The following ADAMTS16 variants were observed in gnomAD, a reference collection of about 807,000 sequenced individuals.
The protein encoded by ADAMTS16 is A disintegrin and metalloproteinase with thrombospondin motifs 16.
A neutral mutation model predicts 145.8 loss-of-function variants in ADAMTS16; 94 were observed. The ratio of observed to expected loss-of-function variants is 0.64; its 90% CI spans 0.55 to 0.77. The LOEUF (loss-of-function observed/expected upper bound fraction) is 0.77, where lower values mean the gene tolerates loss of function less well. Among genes scored for constraint, ADAMTS16 ranks in the 30% least tolerant of loss-of-function variants. The pLI, the probability that ADAMTS16 is intolerant of heterozygous loss-of-function variation, is 0.00. For missense variants in ADAMTS16, 1,585 were observed against 1,591.5 expected (o/e 1.00, Z 0.07); for synonymous variants, 659 against 604.3 (o/e 1.09, Z -1.33).
At chr5:5,211,241 TA>T (rs1736265859) in intron 10 of ADAMTS16, among the ~76,000 whole-genome samples, 1 of 152,134 alleles carries the variant, frequency 6.6e-6, no homozygotes, top group Non-Finnish European at 1.5e-5. Flanking sequence ...CTGATTCAAC[TA>T]CACTAATAGA....
chr5:5,185,359 G>A (rs1356617600), intron 4 of ADAMTS16, among the ~76,000 whole-genome samples: 1 of 152,096 alleles, frequency 6.6e-6, no homozygotes, highest in African/African-American at 2.4e-5. Flanking sequence ...CATTTTCTGA[G>A]GCATCCACTA....
At chr5:5,281,965 G>A (rs1302610901) in intron 18 of ADAMTS16, among the ~76,000 whole-genome samples, 1 of 152,192 alleles carries the variant, frequency 6.6e-6, no homozygotes, top group Non-Finnish European at 1.5e-5. Context: ...CTCATGATGA[G>A]TGTAATAACG....
At chr5:5,253,735 AC>A (rs1374042182) in intron 17 of ADAMTS16, among the ~76,000 whole-genome samples, 1 of 151,952 alleles carries the variant, frequency 6.6e-6, no homozygotes, top group Non-Finnish European at 1.5e-5. Context: ...TCCAGACCCC[AC>A]CTGGTCACCA....
intron 18 of ADAMTS16, among the ~76,000 whole-genome samples, chr5:5,266,338 G>A (rs886578891): frequency 6.6e-6 from 1 of 152,122 alleles, no homozygotes; most frequent in African/African-American, 2.4e-5. Flanking sequence ...CACCCCTGAA[G>A]AGGCCCCTTT....
intron 20 of ADAMTS16, among the ~76,000 whole-genome samples, chr5:5,305,496 C>T (rs1740099739): frequency 2.1e-5 from 3 of 142,334 alleles, no homozygotes; most frequent in Admixed American, 6.9e-5. Context: ...CACAATCCCA[C>T]ACCACACACA....
intron 10 of ADAMTS16, among the ~76,000 whole-genome samples, chr5:5,209,748 T>C (rs1458802121): frequency 1.3e-5 from 2 of 152,126 alleles, no homozygotes; most frequent in African/African-American, 4.8e-5. Context: ...ACCAGAGTGA[T>C]TTAGTAACAG....
At chr5:5,305,557 C>T (rs1256525177) in intron 20 of ADAMTS16, among the ~76,000 whole-genome samples, 1 of 127,710 alleles carries the variant, frequency 7.8e-6, no homozygotes, top group Non-Finnish European at 1.8e-5. Flanking sequence ...CACACACACA[C>T]ACACGTCAGA....
At chr5:5,195,982 T>C (rs112900111) in intron 8 of ADAMTS16, among the ~76,000 whole-genome samples, 3,666 of 152,094 alleles carry the variant, frequency 0.024, 151 homozygotes, top group African/African-American at 0.084. Flanking sequence ...AATCCCAGCA[T>C]TTTGGGAGCC....
intron 2 of ADAMTS16, among the ~76,000 whole-genome samples, chr5:5,145,859 A>G (rs564368430): frequency 6.6e-6 from 1 of 152,308 alleles, no homozygotes; most frequent in East Asian, 1.9e-4. Flanking sequence ...GGGAGGGCAG[A>G]TGACAGCTGT....
intron 3 of ADAMTS16, among the ~76,000 whole-genome samples, chr5:5,159,726 A>C (rs1364825634): frequency 6.6e-6 from 1 of 152,234 alleles, no homozygotes; most frequent in Non-Finnish European, 1.5e-5. Flanking sequence ...GGATGATAAA[A>C]AGACATATCA....
chr5:5,300,177 C>T (rs1011839781), intron 18 of ADAMTS16, among the ~76,000 whole-genome samples: 1 of 152,118 alleles, frequency 6.6e-6, no homozygotes, highest in Non-Finnish European at 1.5e-5. Flanking sequence ...TTTGCAGCCT[C>T]AGTGTAGAAT....
At chr5:5,256,973 A>C (rs996402532) in intron 17 of ADAMTS16, among the ~76,000 whole-genome samples, 4 of 152,234 alleles carry the variant, frequency 2.6e-5, no homozygotes, top group African/African-American at 9.6e-5. Flanking sequence ...GTGGTTATTC[A>C]GTATGTTTCT....
chr5:5,217,309 A>C (rs1303933488), intron 10 of ADAMTS16, among the ~76,000 whole-genome samples: 2 of 151,996 alleles, frequency 1.3e-5, no homozygotes, highest in Non-Finnish European at 2.9e-5. Flanking sequence ...TTCATGTCTA[A>C]AACACCAAAA....
At position 5,182,250 on chromosome 5, in the gene ADAMTS16, C is replaced by T. The variant is rs374682555; in HGVS notation, c.708C>T (p.Ser236=). The change falls in exon 4 of 23, where the codon AGC becomes AGT. Residue 236 remains serine, a synonymous_variant. Transcript: ENST00000274181. ...TGGCACATCAACCCCTGCACAGCAGCGACCTTCGCCTGGGACTGCCACAAA... is the reference window on the plus strand; with the variant it reads ...TGGCACATCAACCCCTGCACAGCAGTGACCTTCGCCTGGGACTGCCACAAA... ...WELAHQPLHS[S]DLRLGLPQKQ... 3.4e-4 allele frequency: 547 copies of T among 1,614,034 alleles called. 4 individuals are homozygous for T. In the South Asian group the frequency reaches 3.8e-3, roughly 11 times the overall value.
intron 10 of ADAMTS16, among the ~76,000 whole-genome samples, chr5:5,219,193 ACT>A (rs763765905): frequency 4.6e-5 from 7 of 152,086 alleles, no homozygotes; most frequent in Non-Finnish European, 1.0e-4. Context: ...AAGCAGAGAA[ACT>A]GGGATATCCT....
intron 4 of ADAMTS16, among the ~76,000 whole-genome samples, chr5:5,183,129 GC>G (rs1735388038): frequency 6.6e-6 from 1 of 152,218 alleles, no homozygotes; most frequent in South Asian, 2.1e-4. Flanking sequence ...AACCATCAGT[GC>G]CTTTGTGTCC....
chr5:5,229,304 C>CAAAAAAAA (rs1195176050), intron 11 of ADAMTS16, among the ~76,000 whole-genome samples: 1 of 75,534 alleles, frequency 1.3e-5, no homozygotes, highest in Non-Finnish European at 2.4e-5. Flanking sequence ...GACTCCGTCT[C>CAAAAAAAA]AAAAAAAAAA....
At chr5:5,141,359 A>G (rs1464472117) in intron 2 of ADAMTS16, among the ~76,000 whole-genome samples, 3 of 152,202 alleles carry the variant, frequency 2.0e-5, no homozygotes, top group African/African-American at 7.2e-5. Flanking sequence ...CTGGGCCACA[A>G]TTTGACATGA....
chr5:5,221,280 G>T (rs1736598390), intron 10 of ADAMTS16, among the ~76,000 whole-genome samples: 1 of 151,938 alleles, frequency 6.6e-6, no homozygotes, highest in Admixed American at 6.6e-5. Context: ...ACTCCGTTCT[G>T]GCCAAGAACA....
Sources: allele counts gnomAD v4.1 joint callset (sites outside exome capture counted in the v4.1 genomes callset), GRCh38; gene constraint gnomAD v4.1.1; transcripts MANE v1.5; gene names NCBI Gene and HGNC (gene_info 2026-07-23, HGNC 2026-07-21).